PTPRF: variants seen among roughly 807,000 people sequenced by gnomAD.
PTPRF encodes receptor-type tyrosine-protein phosphatase F.
PTPRF carries 59 observed loss-of-function variants against 201.8 expected under a neutral mutation model. The observed-to-expected ratio is 0.29, with a 90% CI of 0.24 to 0.36. The LOEUF (loss-of-function observed/expected upper bound fraction) is 0.36, where lower values mean the gene tolerates loss of function less well. Ranked by LOEUF, PTPRF falls within the 10% of genes least tolerant of loss-of-function variation. The probability of loss-of-function intolerance (pLI) is 1.00; values close to 1 mark genes in which losing one functional copy is unlikely to be tolerated. For synonymous variants in PTPRF, 1,088 were observed against 1,089.7 expected, an observed-to-expected ratio of 1.00 and a Z score of 0.03; for missense variants, 2,132 against 2,690.5, an observed-to-expected ratio of 0.79 and a Z score of 4.59.
Position 43,603,394 on chromosome 1 carries a change from C to A in PTPRF, c.2341-22C>A. 6.2e-7 allele frequency: 1 copy of A among 1,604,186 alleles called. No homozygotes were observed. The highest frequency in any genetic ancestry group is 8.5e-7 in the Non-Finnish European group (1 of 1,171,048). ...TCTCCCTGCATTCTTGTGATGGGAA[C>A]GAACCCCTCCTCCTCCCTCAGGAAA... On this transcript the variant is annotated intron_variant, in intron 14 of 33. Coordinates refer to ENST00000359947, the MANE Select transcript of PTPRF (RefSeq NM_002840.5). The surrounding 1 kb of genome is among the most constrained non-coding windows in gnomAD (Gnocchi z 5.8).
chr1:43,550,478 C>G (rs1644961244), intron 3 of PTPRF, among the ~76,000 whole-genome samples: 1 of 152,210 alleles, frequency 6.6e-6, no homozygotes. Flanking sequence ...TTTCTCTTCC[C>G]TGGTGCAGCA....
At chr1:43,619,969 G>A in intron 29 of PTPRF, 111 bp downstream of exon 29, 2 of 1,562,764 alleles carry the variant, frequency 1.3e-6, no homozygotes, top group Non-Finnish European at 1.7e-6. Flanking sequence ...GAGAGGGCTG[G>A]GTAGAGCAGT....
intron 12 of PTPRF, chr1:43,598,297 A>T (rs965087186): frequency 2.0e-6 from 1 of 494,302 alleles, no homozygotes; most frequent in Admixed American, 3.7e-5. Context: ...AGCCCTGTCT[A>T]AGATTTGAAA....
rs55816248 is a variant in PTPRF at position 43,589,695 on chromosome 1, G to GAA, written c.949+715_949+716dup. On this transcript the variant is annotated intron_variant, in intron 8 of 33. Coordinates refer to ENST00000359947, the MANE Select transcript of PTPRF (RefSeq NM_002840.5). The stretch of plus-strand genomic sequence containing the variant: ...AACGTAGTGAGACCCCCATCTCTAC[G>GAA]AAAAAAAAAAAAAAAAAAAAACTGG... Among the ~76,000 whole-genome samples the GAA allele has an allele frequency of 4.2e-3, 446 of 106,546 alleles. 9 individuals are homozygous for GAA. The highest frequency in any genetic ancestry group is 0.015 in the Middle Eastern group (3 of 198). 69.9% of individuals were successfully genotyped at this position (106,546 alleles called of 152,430 possible).
At chr1:43,560,105 A>T (rs1416437084) in intron 5 of PTPRF, among the ~76,000 whole-genome samples, 10 of 139,848 alleles carry the variant, frequency 7.2e-5, no homozygotes, top group East Asian at 4.4e-4. Flanking sequence ...TGCAGCAGGC[A>T]GTGTGTGTGT....
chr1:43,606,171 A>C, intron 19 of PTPRF, 69 bp from the exon 20 acceptor site: 1 of 1,515,794 alleles, frequency 6.6e-7, no homozygotes, highest in South Asian at 1.3e-5. Context: ...CTGACATCCC[A>C]GGCCACAGCC....
chr1:43,618,483 G>A, intron 25 of PTPRF, 147 bp from the exon 26 acceptor site: 1 of 938,818 alleles, frequency 1.1e-6, no homozygotes. Flanking sequence ...GCTTGTGGAG[G>A]ACAGGGGGCA....
intron 21 of PTPRF, among the ~76,000 whole-genome samples, chr1:43,607,537 A>C (rs1423043267): frequency 2.0e-5 from 3 of 152,178 alleles, no homozygotes; most frequent in African/African-American, 4.8e-5. Flanking sequence ...CTGCCCTAGG[A>C]GTCTCCCTTC....
chr1:43,619,244 G>GGGGGGGGA, intron 27 of PTPRF, 42 bp downstream of exon 27: 1 of 563,434 alleles, frequency 1.8e-6, no homozygotes, highest in Non-Finnish European at 3.4e-6. Context: ...GGTGGGGTGG[G>GGGGGGGGA]AGGTGGGGGC....
chr1:43,612,240 G>A (rs1408348797), intron 22 of PTPRF, among the ~76,000 whole-genome samples: 3 of 152,148 alleles, frequency 2.0e-5, no homozygotes, highest in East Asian at 1.9e-4. Context: ...TGGTGGCCAC[G>A]TCCTGTGGGC....
chr1:43,565,713 C>T (rs1324213622), intron 5 of PTPRF, among the ~76,000 whole-genome samples: 1 of 152,162 alleles, frequency 6.6e-6, no homozygotes, highest in Non-Finnish European at 1.5e-5. Flanking sequence ...GGGAGGGCCG[C>T]GTCGGTGAAG....
intron 5 of PTPRF, among the ~76,000 whole-genome samples, chr1:43,566,896 G>A (rs1467850294): frequency 6.6e-6 from 1 of 152,194 alleles, no homozygotes; most frequent in African/African-American, 2.4e-5. Flanking sequence ...GATGATCTGA[G>A]CCAAGGACAG....
At position 43,597,816 on chromosome 1, in the gene PTPRF, G is replaced by T; in HGVS notation, c.1882G>T (p.Val628Phe). The part of the protein sequence containing the change: ...MGSTTVRVSW[V>F]PPPADSRNGV... ...CTCCACCACGGTCCGGGTAAGTTGGGTCCCGCCGCCTGCCGACAGCCGCAA... is the reference window on the plus strand; with the variant it reads ...CTCCACCACGGTCCGGGTAAGTTGGTTCCCGCCGCCTGCCGACAGCCGCAA... Residue 628 changes from valine to phenylalanine, a missense_variant, in exon 12 of 34, where the codon GTC (valine) becomes TTC (phenylalanine). Val to Phe is a conservative substitution (Grantham distance 50). Around this residue, in one of 6 missense-constraint regions of PTPRF, gnomAD observed 125 missense variants for 211.9 expected, o/e 0.59. Coordinates refer to ENST00000359947, the MANE Select transcript of PTPRF (RefSeq NM_002840.5). The T allele has an allele frequency of 6.2e-7, 1 of 1,608,104 alleles. No homozygotes were observed. Among genetic ancestry groups the T allele is most frequent in the Non-Finnish European group, 8.5e-7 (1 of 1,177,988 alleles).
chr1:43,557,630 C>CAAAA, intron 5 of PTPRF, among the ~76,000 whole-genome samples: 1 of 101,028 alleles, frequency 9.9e-6, no homozygotes, highest in African/African-American at 3.7e-5. Flanking sequence ...GACTCCATCT[C>CAAAA]AAAAAAAAAA....
chr1:43,548,577 T>C (rs1644827770), intron 3 of PTPRF, among the ~76,000 whole-genome samples: 1 of 152,162 alleles, frequency 6.6e-6, no homozygotes, highest in Non-Finnish European at 1.5e-5. Flanking sequence ...CACTCCTACC[T>C]GGAAAGGTTA....
At chr1:43,582,339 CTT>C (rs1557766200) in intron 7 of PTPRF, 1 of 152,290 alleles carries the variant, frequency 6.6e-6, no homozygotes, top group African/African-American at 2.4e-5. Context: ...TTACATCTGA[CTT>C]TGTTCACAGT....
intron 6 of PTPRF, among the ~76,000 whole-genome samples, chr1:43,571,525 C>T (rs114177336): frequency 6.6e-4 from 101 of 152,328 alleles, no homozygotes; most frequent in African/African-American, 2.4e-3. Context: ...GACAGCTGTA[C>T]CCTCTTTCCA....
chr1:43,574,573 A>G (rs897505997), intron 6 of PTPRF, among the ~76,000 whole-genome samples: 3 of 152,228 alleles, frequency 2.0e-5, no homozygotes, highest in African/African-American at 7.2e-5. Flanking sequence ...GTGATAGCAC[A>G]TGTCATGTAG....
At position 43,603,457 on chromosome 1, in the gene PTPRF, C is replaced by G. The variant is rs146681834; in HGVS notation, c.2382C>G (p.Ser794=). Residue 794 remains serine (S), a synonymous_variant, in exon 15 of 34, where the codon TCC becomes TCG. Coordinates refer to ENST00000359947, the MANE Select transcript of PTPRF (RefSeq NM_002840.5). This position sits in a 1 kb window ranked among gnomAD's most constrained non-coding sequence, Gnocchi z 5.8. ...ISGLTPETTY[S]VTVAAYTTKG... ...GCCTGACCCCGGAGACCACCTACTC[C>G]GTTACTGTTGCTGCCTATACCACCA... is the stretch of plus-strand genomic sequence containing the variant. 3.1e-6 allele frequency: 5 copies of G among 1,614,078 alleles called. No homozygotes were observed. The highest frequency in any genetic ancestry group is 3.3e-5 in the Admixed American group (2 of 60,006).
Sources: gnomAD v4.1 joint callset for allele counts (sites outside exome capture counted in the v4.1 genomes callset) on GRCh38, gnomAD v4.1.1 for gene constraint, gnomAD v4.1.1 regional missense constraint, Gnocchi (gnomAD v3.1) non-coding constraint, MANE v1.5 for transcripts, NCBI Gene and HGNC (gene_info 2026-07-23, HGNC 2026-07-21) for gene names.